The following CHST9 variants were observed in gnomAD, a reference collection of about 807,000 sequenced individuals.
CHST9 encodes GalNAc-4-sulfotransferase 2.
A neutral mutation model predicts 44.4 loss-of-function variants in CHST9; 41 were observed. The observed-to-expected ratio is 0.92, with a 90% CI of 0.72 to 1.20. CHST9 has a LOEUF of 1.20. Among genes scored for constraint, CHST9 ranks in the 50% most tolerant of loss-of-function variants. The pLI, the probability that CHST9 is intolerant of heterozygous loss-of-function variation, is 0.00. For synonymous variants in CHST9, 171 were observed against 178.4 expected, an observed-to-expected ratio of 0.96 and a Z score of 0.33; for missense variants, 504 against 516.5, an observed-to-expected ratio of 0.98 and a Z score of 0.23.
At chr18:27,021,492 T>C (rs971502596) in intron 4 of CHST9, among the ~76,000 whole-genome samples, 2 of 152,210 alleles carry the variant, frequency 1.3e-5, no homozygotes, top group African/African-American at 4.8e-5. Context: ...TCTCAGCCAC[T>C]AGTATACCTG....
chr18:27,003,208 T>C (rs2056973777), intron 4 of CHST9, among the ~76,000 whole-genome samples: 1 of 152,222 alleles, frequency 6.6e-6, no homozygotes, highest in African/African-American at 2.4e-5. Context: ...TAGAGTAATC[T>C]GCATAATAAT....
chr18:27,148,155 G>T (rs947877510), intron 1 of CHST9, among the ~76,000 whole-genome samples: 5 of 151,964 alleles, frequency 3.3e-5, no homozygotes, highest in Non-Finnish European at 7.4e-5. Flanking sequence ...TAGGGATAAT[G>T]GCCTCTAGCT....
chr18:27,053,218 G>GAAGAAGAAGAAGAAGAA (rs2057599065), intron 2 of CHST9, among the ~76,000 whole-genome samples: 5 of 32,324 alleles, frequency 1.5e-4, no homozygotes, highest in Admixed American at 4.1e-4. Flanking sequence ...AGGAGGAAGA[G>GAAGAAGAAGAAGAAGAA]GAAGAAGAAG....
rs141117779 is a variant in CHST9 at position 27,017,197 on chromosome 18, G to C, written c.202+6919C>G. On this transcript the variant is annotated intron_variant, in intron 4 of 5. Transcript: ENST00000618847. ...TTTACGGTTAATCACAAATTATTGGGATATTAAATGCATTTTCAACATAAC... is the reference window on the plus strand; with the variant it reads ...TTTACGGTTAATCACAAATTATTGGCATATTAAATGCATTTTCAACATAAC... Among the ~76,000 whole-genome samples the C allele has an allele frequency of 5.3e-5, 8 of 152,210 alleles. 1 individual carries two copies. The East Asian group carries it at 1.2e-3, about 22-fold the overall frequency.
chr18:27,065,191 G>A (rs533758490), intron 2 of CHST9, among the ~76,000 whole-genome samples: 4 of 152,246 alleles, frequency 2.6e-5, no homozygotes, highest in African/African-American at 7.2e-5. Flanking sequence ...ACATTTAGTC[G>A]GACTTTGGTC....
At position 27,059,428 on chromosome 18, in the gene CHST9, T is replaced by C. The variant is rs1415157925; in HGVS notation, c.122-10925A>G. ...CCTGGGTAGATTTACTTCTAAAGGA[T>C]CAATTAGTGGAATCTATATTGAATT... On this transcript the variant is annotated intron_variant, in intron 2 of 5. Coordinates refer to ENST00000618847, the MANE Select transcript of CHST9 (RefSeq NM_031422.6). 2.0e-5 allele frequency among the ~76,000 whole-genome samples: 3 copies of C among 152,240 alleles called. No homozygotes were observed. The South Asian group carries it at 6.2e-4, about 31-fold the overall frequency.
chr18:27,100,866 G>A (rs1000844017), intron 2 of CHST9, among the ~76,000 whole-genome samples: 19 of 152,202 alleles, frequency 1.2e-4, no homozygotes, highest in African/African-American at 4.3e-4. Context: ...ATGTAATTCA[G>A]ACATGATGGT....
intron 4 of CHST9, among the ~76,000 whole-genome samples, chr18:26,952,720 A>G (rs1168178977): frequency 6.6e-6 from 1 of 152,208 alleles, no homozygotes; most frequent in African/African-American, 2.4e-5. Context: ...ACAGTATAGT[A>G]TATTCATTCC....
chr18:27,013,490 G>C (rs914718541), intron 4 of CHST9, among the ~76,000 whole-genome samples: 1 of 152,178 alleles, frequency 6.6e-6, no homozygotes, highest in African/African-American at 2.4e-5. Context: ...CCGAGGCCCT[G>C]ATCCATGACA....
intron 2 of CHST9, among the ~76,000 whole-genome samples, chr18:27,091,523 T>C (rs1330600577): frequency 6.6e-6 from 1 of 152,164 alleles, no homozygotes; most frequent in Non-Finnish European, 1.5e-5. Flanking sequence ...TGCCTTGTGC[T>C]GGTTTTCAAA....
intron 3 of CHST9, among the ~76,000 whole-genome samples, chr18:27,032,929 T>G (rs545284736): frequency 6.6e-6 from 1 of 152,316 alleles, no homozygotes; most frequent in South Asian, 2.1e-4. Context: ...AGATACAGCT[T>G]TGCAACATAC....
intron 2 of CHST9, among the ~76,000 whole-genome samples, chr18:27,065,414 A>G (rs949710204): frequency 2.0e-5 from 3 of 152,192 alleles, no homozygotes; most frequent in Non-Finnish European, 4.4e-5. Context: ...CTTCTAGGGG[A>G]GGAGCAGAAT....
At chr18:26,919,471 A>G (rs1033875514) in intron 5 of CHST9, among the ~76,000 whole-genome samples, 17 of 152,192 alleles carry the variant, frequency 1.1e-4, no homozygotes, top group African/African-American at 3.9e-4. Context: ...AGTACTTAGC[A>G]CAGGCCAAAT....
At chr18:27,078,867 G>T (rs1203548048) in intron 2 of CHST9, among the ~76,000 whole-genome samples, 1 of 152,180 alleles carries the variant, frequency 6.6e-6, no homozygotes, top group Non-Finnish European at 1.5e-5. Context: ...TATTGATTTT[G>T]GGGTTACATA....
rs796715944 is a variant in CHST9, at chr18:26,992,620, C to CT, written c.202+31495dup. ...AGTTATGATTGCTTTGAAATTCTTT[C>CT]TTTTTTTTTTTTAAAGGAATGTGAT... On this transcript the variant is annotated intron_variant, in intron 4 of 5. Coordinates refer to ENST00000618847, the MANE Select transcript of CHST9 (RefSeq NM_031422.6). Among the ~76,000 whole-genome samples, 741 of 143,092 alleles carry CT rather than the reference C, an allele frequency of 5.2e-3. 5 individuals are homozygous for CT. The highest frequency in any genetic ancestry group is 0.017 in the African/African-American group (661 of 39,220). The allele number at this position is 143,092 out of a possible 152,430, so 93.9% of individuals were successfully genotyped here.
At chr18:26,970,001 C>T (rs2056521316) in intron 4 of CHST9, among the ~76,000 whole-genome samples, 1 of 152,188 alleles carries the variant, frequency 6.6e-6, no homozygotes, top group Admixed American at 6.5e-5. Flanking sequence ...TGTTTCCTTT[C>T]CCACATGACC....
At chr18:27,035,936 T>C (rs2057386256) in intron 3 of CHST9, among the ~76,000 whole-genome samples, 1 of 152,288 alleles carries the variant, frequency 6.6e-6, no homozygotes, top group Non-Finnish European at 1.5e-5. Context: ...ATTAGTGTGA[T>C]AATGGTGATT....
chr18:26,971,804 GAGCGCCCATGGCTATGGAT>G (rs2056547150), intron 4 of CHST9, among the ~76,000 whole-genome samples: 1 of 151,844 alleles, frequency 6.6e-6, no homozygotes, highest in Admixed American at 6.6e-5. Context: ...TGGAAGGACA[GAGCGCCCATGGCTATGGAT>G]AGCTCCCACG....
chr18:27,071,284 T>G (rs1044169519), intron 2 of CHST9, among the ~76,000 whole-genome samples: 4 of 152,212 alleles, frequency 2.6e-5, no homozygotes, highest in African/African-American at 9.7e-5. Context: ...CAGTATTTCA[T>G]TCACTCTTCA....
Sources: allele counts gnomAD v4.1 joint callset (sites outside exome capture counted in the v4.1 genomes callset), GRCh38; gene constraint gnomAD v4.1.1; transcripts MANE v1.5; gene names NCBI Gene and HGNC (gene_info 2026-07-23, HGNC 2026-07-21).